The following NDUFA10 variants were observed in gnomAD, a reference collection of about 807,000 sequenced individuals.
The protein encoded by NDUFA10 is NADH:ubiquinone oxidoreductase subunit A10, also known as NADH dehydrogenase [ubiquinone] 1 alpha subcomplex subunit 10, mitochondrial.
NDUFA10 carries 40 observed loss-of-function variants against 47.8 expected under a neutral mutation model. The observed-to-expected ratio is 0.84, with a 90% confidence interval of 0.65 to 1.09. The LOEUF is 1.09. Ranked by LOEUF, NDUFA10 falls within the 50% of genes least tolerant of loss-of-function variation. NDUFA10 has a pLI of 0.00. For missense variants in NDUFA10, 413 were observed against 451.1 expected, an observed-to-expected ratio of 0.92 and a Z score of 0.76; for synonymous variants, 183 against 172.2, an observed-to-expected ratio of 1.06 and a Z score of -0.49.
chr2:239,964,943 G>A (rs779282620), intron 9 of NDUFA10, among the ~76,000 whole-genome samples: 49 of 152,148 alleles, frequency 3.2e-4, no homozygotes, highest in Non-Finnish European at 6.2e-4. Context: ...GCCAGCAGGC[G>A]CCTCTCTTAA....
exon 6 of NDUFA10, chr2:239,892,568 G>C (rs1433792721): frequency 6.6e-6 from 1 of 152,196 alleles, no homozygotes; most frequent in Non-Finnish European, 1.5e-5. Flanking sequence ...TGAATTTACA[G>C]GGATTCTGGG....
chr2:239,959,729 A>G lies in NDUFA10; in HGVS notation c.*1389T>C, dbSNP rs1694771084. 1 of 743,862 alleles carries G rather than the reference A, an allele frequency of 1.3e-6. No homozygotes were observed. The highest frequency in any genetic ancestry group is 1.6e-6 in the Non-Finnish European group (1 of 611,712). 46.1% of individuals were successfully genotyped at this position (743,862 alleles called of 1,614,324 possible). A position where few individuals can be genotyped will look rare whatever the true frequency, so the allele number is the denominator to read the frequency against. ...CAGGGAGGAAAACAAGGACAGACGG[A>G]AGGAAGGAAGAGAAGGAGGGAAGGA... is the stretch of plus-strand genomic sequence containing the variant. On this transcript the variant is annotated 3_prime_UTR_variant, in exon 10 of 10. Transcript: ENST00000252711.
chr2:239,950,937 C>T (rs142350303), intron 4 of NDUFA10, among the ~76,000 whole-genome samples: 3 of 152,362 alleles, frequency 2.0e-5, no homozygotes, highest in East Asian at 1.9e-4. Context: ...TTCAAGTCAG[C>T]GTCCCACTGG....
chr2:239,983,626 A>G, intron 9 of NDUFA10: 1 of 1,588,294 alleles, frequency 6.3e-7, no homozygotes, highest in Non-Finnish European at 8.6e-7. Flanking sequence ...GCCCACGGTC[A>G]GGGCCACGGT....
intron 6 of NDUFA10, among the ~76,000 whole-genome samples, chr2:240,008,785 C>G (rs894620432): frequency 2.6e-5 from 4 of 152,208 alleles, no homozygotes; most frequent in African/African-American, 9.6e-5. Flanking sequence ...AGACAGGGCT[C>G]CTGCCCTTAA....
chr2:239,909,907 A>G (rs1330962903), intron 4 of NDUFA10, among the ~76,000 whole-genome samples: 3 of 152,068 alleles, frequency 2.0e-5, no homozygotes, highest in Non-Finnish European at 4.4e-5. Context: ...ATATGCAAGA[A>G]GAAAGGCAGA....
chr2:240,018,488 A>C, intron 4 of NDUFA10, 65 bp downstream of exon 4: 2 of 1,613,916 alleles, frequency 1.2e-6, no homozygotes, highest in South Asian at 2.2e-5. Flanking sequence ...GTGCAAGGTG[A>C]GTCTATCACA....
intron 4 of NDUFA10, among the ~76,000 whole-genome samples, chr2:239,938,597 C>T (rs1302305461): frequency 3.9e-5 from 6 of 152,170 alleles, no homozygotes; most frequent in African/African-American, 1.4e-4. Flanking sequence ...TGCTCCCGGG[C>T]AGCTGTGGTT....
At chr2:239,900,993 G>A (rs1052382891) in intron 4 of NDUFA10, among the ~76,000 whole-genome samples, 1 of 152,242 alleles carries the variant, frequency 6.6e-6, no homozygotes, top group African/African-American at 2.4e-5. Context: ...CTAAACAACA[G>A]ACTTTCAATG....
rs1331550693 is a variant in NDUFA10, at chr2:239,958,074, A to G, written c.*3044T>C. On this transcript the variant is annotated 3_prime_UTR_variant, in exon 10 of 10. Transcript: ENST00000252711. ...CCGGCTTCTATTTATATCCACATGT[A>G]AAGCCCCAGATCACTCGGGCACCTG... 1 of 152,196 alleles carries G rather than the reference A, an allele frequency of 6.6e-6. No homozygotes were observed. The highest frequency in any genetic ancestry group is 2.4e-5 in the African/African-American group (1 of 41,442). The allele number at this position is 152,196 out of a possible 1,614,324, so 9.4% of individuals were successfully genotyped here. A position where few individuals can be genotyped will look rare whatever the true frequency, so the allele number is the denominator to read the frequency against.
chr2:239,947,607 C>T (rs963835511), intron 4 of NDUFA10, among the ~76,000 whole-genome samples: 3 of 152,164 alleles, frequency 2.0e-5, no homozygotes, highest in Non-Finnish European at 2.9e-5. Flanking sequence ...CCGCCCTCCC[C>T]GCCGAGCCCC....
rs140356221 is a variant in NDUFA10 at position 239,961,312 on chromosome 2, C to T, written c.1000-126G>A. ...GTTCCTTCAGCAATGCTGGTGAGCACATGATCTGTGGCAGGTGTCTCCTGT... is the reference window on the plus strand; with the variant it reads ...GTTCCTTCAGCAATGCTGGTGAGCATATGATCTGTGGCAGGTGTCTCCTGT... On this transcript the variant is annotated intron_variant, in intron 9 of 9. Transcript: ENST00000252711. 456 of 1,549,494 alleles carry T rather than the reference C, an allele frequency of 2.9e-4. 2 individuals are homozygous for T. The African/African-American group carries it at 5.6e-3, about 19-fold the overall frequency.
In NDUFA10 at chr2:239,906,595, G is replaced by A. The variant is rs1211480410; in HGVS notation, c.295-11281C>T. ...CCCAAGATTTAAAGAAAATGGCAGT[G>A]CACCCCATGGATGGCAAGAGCCAAC... On this transcript the variant is annotated intron_variant, in intron 4 of 5. Coordinates refer to the NDUFA10 transcript ENST00000419408. The surrounding 1 kb of genome is among the most constrained non-coding windows in gnomAD (Gnocchi z 4.3). 6.6e-6 allele frequency among the ~76,000 whole-genome samples: 1 copy of A among 152,168 alleles called. No individual in the cohort carries two copies. The highest frequency in any genetic ancestry group is 1.5e-5 in the Non-Finnish European group (1 of 68,042).
chr2:239,976,188 A>G (rs1435492772), intron 9 of NDUFA10, among the ~76,000 whole-genome samples: 1 of 152,204 alleles, frequency 6.6e-6, no homozygotes, highest in Non-Finnish European at 1.5e-5. Context: ...AACAATGTGC[A>G]ATGCCCTCTG....
At chr2:240,006,403 A>G (rs1696949906) in intron 7 of NDUFA10, among the ~76,000 whole-genome samples, 1 of 152,196 alleles carries the variant, frequency 6.6e-6, no homozygotes, top group Admixed American at 6.5e-5. Context: ...CTCTCTGTGC[A>G]GAAAAGCTCA....
chr2:239,914,848 GACAC>G (rs1277732248), intron 4 of NDUFA10, among the ~76,000 whole-genome samples: 13 of 143,798 alleles, frequency 9.0e-5, no homozygotes, highest in Middle Eastern at 3.6e-3. Flanking sequence ...CAAATATACA[GACAC>G]ACACAGAGAG....
At chr2:240,000,278 C>A (rs962453169) in intron 8 of NDUFA10, among the ~76,000 whole-genome samples, 1 of 152,162 alleles carries the variant, frequency 6.6e-6, no homozygotes, top group African/African-American at 2.4e-5. Context: ...CAGCTCCACG[C>A]GTGTTACTGC....
intron 4 of NDUFA10, among the ~76,000 whole-genome samples, chr2:239,908,913 A>C (rs1693701402): frequency 6.6e-6 from 1 of 152,158 alleles, no homozygotes; most frequent in African/African-American, 2.4e-5. Context: ...CCAAGCACCA[A>C]GTGCCCAGAG....
At chr2:239,943,940 G>A (rs924749407) in intron 4 of NDUFA10, among the ~76,000 whole-genome samples, 2 of 152,120 alleles carry the variant, frequency 1.3e-5, no homozygotes, top group African/African-American at 4.8e-5. Flanking sequence ...TTTTATGGGG[G>A]GAAGCTGAGG....
Sources: gnomAD v4.1 joint callset for allele counts (sites outside exome capture counted in the v4.1 genomes callset) on GRCh38, gnomAD v4.1.1 for gene constraint, Gnocchi (gnomAD v3.1) non-coding constraint, MANE v1.5 for transcripts, NCBI Gene and HGNC (gene_info 2026-07-23, HGNC 2026-07-21) for gene names.